Variants in PTPN21 observed in about 807,000 individuals in gnomAD.
The protein encoded by PTPN21 is protein tyrosine phosphatase non-receptor type 21, also known as tyrosine-protein phosphatase non-receptor type 21.
PTPN21 carries 77 observed loss-of-function variants against 131.8 expected under a neutral mutation model. That is an observed-to-expected ratio of 0.58 (90% CI 0.49 to 0.71). The LOEUF is 0.71. PTPN21 is among the 30% of genes least tolerant of loss of function. The pLI is 0.00. For synonymous variants in PTPN21, 715 were observed against 621.3 expected (o/e 1.15, Z -2.24); for missense variants, 1,552 against 1,527.1 (o/e 1.02, Z -0.27).
intron 15 of PTPN21, chr14:88,470,441 T>TA (rs954561284): frequency 2.0e-4 from 36 of 176,942 alleles, no homozygotes; most frequent in South Asian, 4.0e-4. Flanking sequence ...GCCTCTTCTT[T>TA]AAAAAAAACC....
intron 2 of PTPN21, among the ~76,000 whole-genome samples, chr14:88,518,738 TAATA>T (rs1044697565): frequency 6.6e-6 from 1 of 151,794 alleles, no homozygotes; most frequent in African/African-American, 2.4e-5. Context: ...GCCTCATAAT[TAATA>T]TTTTTAAATA....
intron 2 of PTPN21, among the ~76,000 whole-genome samples, chr14:88,520,140 G>A (rs2078367397): frequency 6.6e-6 from 1 of 152,180 alleles, no homozygotes; most frequent in Non-Finnish European, 1.5e-5. Flanking sequence ...CTTTGGCTGG[G>A]TGTGGTGGCA....
chr14:88,545,343 G>T (rs562330923), intron 2 of PTPN21, among the ~76,000 whole-genome samples: 2 of 152,024 alleles, frequency 1.3e-5, no homozygotes, highest in Non-Finnish European at 2.9e-5. Context: ...CATTTTTAGC[G>T]AGCTAGATTA....
At chr14:88,514,820 T>G (rs1039454705) in intron 3 of PTPN21, among the ~76,000 whole-genome samples, 1 of 152,120 alleles carries the variant, frequency 6.6e-6, no homozygotes, top group African/African-American at 2.4e-5. Context: ...ACACAATTTT[T>G]GAGGTATAAT....
In PTPN21 at chr14:88,506,770, G is replaced by A. The variant is rs574261657; in HGVS notation, c.448+1153C>T. 5.3e-5 allele frequency among the ~76,000 whole-genome samples: 8 copies of A among 152,208 alleles called. 1 individual carries two copies. In the South Asian group the frequency reaches 1.5e-3, roughly 28 times the overall value. ...TATTCATGTAACCATAGCCAGCCAC[G>A]GTGGCTCACATCTATAATCCCGGCA... is the stretch of plus-strand genomic sequence containing the variant. On this transcript the variant is annotated intron_variant, in intron 4 of 18. Coordinates refer to ENST00000556564, the MANE Select transcript of PTPN21 (RefSeq NM_007039.4).
intron 10 of PTPN21, 40 bp downstream of exon 10, chr14:88,496,373 T>A: frequency 6.7e-7 from 1 of 1,503,078 alleles, no homozygotes; most frequent in South Asian, 1.1e-5. Context: ...ATTTCTAAAT[T>A]CATTATTTTT....
At chr14:88,489,948 G>A (rs905990904) in intron 10 of PTPN21, among the ~76,000 whole-genome samples, 3 of 152,010 alleles carry the variant, frequency 2.0e-5, no homozygotes, top group African/African-American at 7.2e-5. Context: ...CAGGTAACTG[G>A]GAAGGAATAC....
At position 88,468,907 on chromosome 14, in the gene PTPN21, C is replaced by T. The variant is rs761202184; in HGVS notation, c.3396+9G>A. 4.1e-5 allele frequency: 66 copies of T among 1,613,838 alleles called. No homozygotes were observed. The highest frequency in any genetic ancestry group is 7.7e-5 in the South Asian group (7 of 91,076). ...CCCAAAAAGGCCAGGTGATCATAAG[C>T]GCCATCACCTCATTGTGTTCCAGGC... On this transcript the variant is annotated intron_variant, in intron 18 of 18. Transcript: ENST00000556564.
At chr14:88,496,530 C>T in intron 9 of PTPN21, 38 bp from the exon 10 acceptor site, 1 of 1,459,582 alleles carries the variant, frequency 6.9e-7, no homozygotes, top group Non-Finnish European at 9.6e-7. Context: ...TATGAAAGCA[C>T]ACATACAACT....
intron 15 of PTPN21, among the ~76,000 whole-genome samples, chr14:88,471,151 G>T: frequency 6.6e-6 from 1 of 152,084 alleles, no homozygotes; most frequent in East Asian, 1.9e-4. Flanking sequence ...GCCATCAAGG[G>T]GTACTGGCAT....
intron 15 of PTPN21, chr14:88,470,384 G>A (rs2077442620): frequency 4.2e-6 from 1 of 237,808 alleles, no homozygotes; most frequent in Non-Finnish European, 8.2e-6. Context: ...CAGTATCTAT[G>A]GTACCTGGCA....
chr14:88,489,656 AAAAT>A (rs1023021940), intron 10 of PTPN21, among the ~76,000 whole-genome samples: 3 of 151,922 alleles, frequency 2.0e-5, no homozygotes, highest in African/African-American at 4.8e-5. Flanking sequence ...TCTCTTTAAA[AAAAT>A]AAATAAATAA....
intron 2 of PTPN21, among the ~76,000 whole-genome samples, chr14:88,540,051 T>C (rs974199327): frequency 4.6e-5 from 7 of 152,222 alleles, no homozygotes; most frequent in Non-Finnish European, 2.9e-5. Context: ...AAGGATGTTA[T>C]GGTGAATATC....
At chr14:88,518,226 CAAAAAAAAAA>C (rs1172099704) in intron 2 of PTPN21, among the ~76,000 whole-genome samples, 1 of 11,070 alleles carries the variant, frequency 9.0e-5, no homozygotes, top group Non-Finnish European at 1.5e-4. Context: ...GAATCTACCT[CAAAAAAAAAA>C]AAAAAAAAAA....
At chr14:88,472,497 T>C (rs745845425) in intron 14 of PTPN21, 32 bp from the exon 15 acceptor site, 1 of 1,375,584 alleles carries the variant, frequency 7.3e-7, no homozygotes, top group Admixed American at 1.7e-5. Flanking sequence ...ATAACATGAA[T>C]ACAGCCACAC....
intron 1 of PTPN21, among the ~76,000 whole-genome samples, chr14:88,554,396 T>A (rs985072015): frequency 6.6e-6 from 1 of 152,160 alleles, no homozygotes; most frequent in Non-Finnish European, 1.5e-5. Flanking sequence ...GATCCAGAAT[T>A]AACCCGCAAC....
Position 88,478,905 on chromosome 14 carries a change from C to A in PTPN21, c.2511+15G>T, listed in dbSNP as rs187493527. 5 of 1,454,562 alleles carry A rather than the reference C, an allele frequency of 3.4e-6. No homozygotes were observed. Among genetic ancestry groups the A allele is most frequent in the Non-Finnish European group, 3.6e-6 (4 of 1,104,426 alleles). 90.1% of individuals were successfully genotyped at this position (1,454,562 alleles called of 1,614,324 possible). On this transcript the variant is annotated intron_variant, in intron 13 of 18. Coordinates refer to ENST00000556564, the MANE Select transcript of PTPN21 (RefSeq NM_007039.4). ...CGCGGTCCCCTGGCCCGGCACTGCT[C>A]GCCGCGTGGCTTACCCCTAGAGGCG...
chr14:88,485,483 T>TA (rs1368301461), intron 11 of PTPN21, among the ~76,000 whole-genome samples: 6 of 152,134 alleles, frequency 3.9e-5, no homozygotes, highest in African/African-American at 1.4e-4. Context: ...ATAGGTATTA[T>TA]AGTCAATCTT....
At chr14:88,539,792 A>T (rs2078680202) in intron 2 of PTPN21, among the ~76,000 whole-genome samples, 1 of 152,184 alleles carries the variant, frequency 6.6e-6, no homozygotes, top group Admixed American at 6.5e-5. Context: ...TACATTATAC[A>T]AATAATAATA....
Sources: allele counts gnomAD v4.1 joint callset (sites outside exome capture counted in the v4.1 genomes callset), GRCh38; gene constraint gnomAD v4.1.1; transcripts MANE v1.5; gene names NCBI Gene and HGNC (gene_info 2026-07-23, HGNC 2026-07-21).